C10orf67: variants seen among roughly 807,000 people sequenced by gnomAD.
The protein encoded by C10orf67 is uncharacterized protein C10orf67, mitochondrial.
A neutral mutation model predicts 35.6 loss-of-function variants in C10orf67; 60 were observed. The observed-to-expected ratio is 1.68, with a 90% confidence interval of 1.37 to 2.09. C10orf67 has a LOEUF of 2.09. Among genes scored for constraint, C10orf67 ranks in the 30% most tolerant of loss-of-function variants. C10orf67 has a pLI of 0.00. For missense variants in C10orf67, 474 were observed against 330.2 expected (o/e 1.44, Z -3.38); for synonymous variants, 167 against 115.8 (o/e 1.44, Z -2.84).
intron 13 of C10orf67, among the ~76,000 whole-genome samples, chr10:23,237,772 G>A (rs1842085886): frequency 6.6e-6 from 1 of 152,202 alleles, no homozygotes; most frequent in Admixed American, 6.5e-5. Context: ...CGCTTATTTG[G>A]TGTGGTGATG....
chr10:23,239,808 A>T lies in C10orf67; in HGVS notation c.1355T>A (p.Val452Asp). The change falls in exon 13 of 16, where the codon GTC becomes GAC. Residue 452 changes from valine (V) to aspartate (D), a missense_variant. Transcript: ENST00000636213. ...RFFILRNSFHVLKNEMFTRHT... is the reference protein window; with the variant it reads ...RFFILRNSFHDLKNEMFTRHT... ...CCTTGTAAACATCTCATTCTTAAGGACATGAAAGCTGAAATTTTAAAAATG... is the reference window on the plus strand; with the variant it reads ...CCTTGTAAACATCTCATTCTTAAGGTCATGAAAGCTGAAATTTTAAAAATG... 1.6e-6 allele frequency: 1 copy of T among 615,486 alleles called. No homozygotes were observed. Among genetic ancestry groups the T allele is most frequent in the Non-Finnish European group, 3.2e-6 (1 of 314,848 alleles). The allele number at this position is 615,486 out of a possible 1,614,324, so 38.1% of individuals were successfully genotyped here. A position where few individuals can be genotyped will look rare whatever the true frequency, so the allele number is the denominator to read the frequency against.
chr10:23,323,909 ATATATATATATATATATATAT>A (rs1845066281), intron 2 of C10orf67, among the ~76,000 whole-genome samples: 2 of 18,276 alleles, frequency 1.1e-4, no homozygotes, highest in Admixed American at 8.9e-4. Context: ...ATATATATAT[ATATATATATATATATATATAT>A]ATATATATAT....
chr10:23,324,720 A>G (rs1845113700), intron 2 of C10orf67, among the ~76,000 whole-genome samples: 2 of 152,148 alleles, frequency 1.3e-5, no homozygotes, highest in South Asian at 2.1e-4. Flanking sequence ...TTCTTTCTAG[A>G]GTCTGCTTTG....
intron 3 of C10orf67, among the ~76,000 whole-genome samples, chr10:23,321,373 T>G (rs1030695603): frequency 1.3e-5 from 2 of 152,142 alleles, no homozygotes; most frequent in African/African-American, 4.8e-5. Context: ...CTAAAAAAAA[T>G]TTGTTTTTTA....
chr10:23,320,601 C>G, intron 4 of C10orf67, 140 bp downstream of exon 4: 1 of 642,154 alleles, frequency 1.6e-6, no homozygotes, highest in Non-Finnish European at 2.7e-6. Flanking sequence ...CCTGATCCCT[C>G]TAAGGTGACC....
intron 4 of C10orf67, among the ~76,000 whole-genome samples, chr10:23,305,421 C>T (rs550401801): frequency 1.3e-5 from 2 of 152,186 alleles, no homozygotes; most frequent in African/African-American, 4.8e-5. Context: ...GTGGATCACT[C>T]GAGGCCAGGA....
In C10orf67 at chr10:23,287,063, T is replaced by C. The variant is rs138062619; in HGVS notation, c.909+2837A>G. Among the ~76,000 whole-genome samples the C allele has an allele frequency of 3.6e-4, 55 of 152,354 alleles. No individual in the cohort carries two copies. In the East Asian group the frequency reaches 5.0e-3, roughly 14 times the overall value. On this transcript the variant is annotated intron_variant, in intron 7 of 15. Transcript: ENST00000636213. ...TGGCCATATTGCCCAAAGTAATTTA[T>C]AGATTCAATGCTATTTCCATCAAAC...
chr10:23,204,018 C>T lies in C10orf67; in HGVS notation c.*155G>A, dbSNP rs1331381234. On this transcript the variant is annotated 3_prime_UTR_variant, in exon 16 of 16. Coordinates refer to ENST00000636213, the MANE Select transcript of C10orf67 (RefSeq NM_001371909.1). ...AGGCGCGCATTGAGGTCTATTCGAGCGCAGTGCTGGTTAATATACATAATC... is the reference window on the plus strand; with the variant it reads ...AGGCGCGCATTGAGGTCTATTCGAGTGCAGTGCTGGTTAATATACATAATC... The T allele has an allele frequency of 7.7e-6, 3 of 389,092 alleles. No individual in the cohort carries two copies. Among genetic ancestry groups the T allele is most frequent in the African/African-American group, 2.1e-5 (1 of 48,192 alleles). 24.1% of individuals were successfully genotyped at this position (389,092 alleles called of 1,614,324 possible).
At chr10:23,331,751 A>G (rs1328628198) in intron 2 of C10orf67, among the ~76,000 whole-genome samples, 1 of 151,920 alleles carries the variant, frequency 6.6e-6, no homozygotes, top group African/African-American at 2.4e-5. Context: ...AGGAAGGGAA[A>G]AAGTGAAGGG....
At position 23,331,142 on chromosome 10, in the gene C10orf67, C is replaced by G. The variant is rs891216111; in HGVS notation, c.327+1920G>C. Among the ~76,000 whole-genome samples the G allele has an allele frequency of 5.4e-5, 3 of 56,066 alleles. No homozygotes were observed. In the East Asian group the frequency reaches 9.8e-4, roughly 18 times the overall value. The allele number at this position is 56,066 out of a possible 152,430, so 36.8% of individuals were successfully genotyped here. ...GGACAGGAAGGGAGAGGAACCGAGA[C>G]GGGAACCAGGAAGGGAAGGGAAGGG... is the stretch of plus-strand genomic sequence containing the variant. On this transcript the variant is annotated intron_variant, in intron 2 of 15. Transcript: ENST00000636213.
chr10:23,226,271 C>T (rs1363342615), intron 13 of C10orf67, among the ~76,000 whole-genome samples: 1 of 152,156 alleles, frequency 6.6e-6, no homozygotes, highest in Non-Finnish European at 1.5e-5. Context: ...AACTAGAACT[C>T]AGGATTAAGA....
At chr10:23,251,685 A>G (rs915229690) in intron 10 of C10orf67, among the ~76,000 whole-genome samples, 1 of 152,206 alleles carries the variant, frequency 6.6e-6, no homozygotes, top group African/African-American at 2.4e-5. Flanking sequence ...GCCAGCATCA[A>G]TATAAACAAT....
At chr10:23,283,477 C>A (rs577386137) in intron 7 of C10orf67, among the ~76,000 whole-genome samples, 1 of 152,288 alleles carries the variant, frequency 6.6e-6, no homozygotes, top group South Asian at 2.1e-4. Context: ...TGGTTCCGGG[C>A]TTTCCTCCCT....
At chr10:23,291,479 C>T (rs914209559) in intron 5 of C10orf67, among the ~76,000 whole-genome samples, 200 bp from the exon 6 acceptor site, 5 of 152,218 alleles carry the variant, frequency 3.3e-5, no homozygotes, top group Admixed American at 3.3e-4. Flanking sequence ...AAGACCTCAA[C>T]ACATGGGGAC....
At chr10:23,293,257 G>A (rs992469016) in intron 5 of C10orf67, among the ~76,000 whole-genome samples, 4 of 152,164 alleles carry the variant, frequency 2.6e-5, no homozygotes, top group African/African-American at 9.7e-5. Flanking sequence ...CATTAAATAC[G>A]GGGGTTTGTC....
At chr10:23,299,367 A>G (rs1176879062) in intron 5 of C10orf67, among the ~76,000 whole-genome samples, 1 of 152,060 alleles carries the variant, frequency 6.6e-6, no homozygotes, top group African/African-American at 2.4e-5. Flanking sequence ...TTTAACTTGA[A>G]CAGGACAGGC....
chr10:23,231,494 C>T (rs146705508), intron 13 of C10orf67, among the ~76,000 whole-genome samples: 1 of 152,286 alleles, frequency 6.6e-6, no homozygotes, highest in African/African-American at 2.4e-5. Flanking sequence ...CCTCATGGGG[C>T]ATTATCCTGC....
intron 10 of C10orf67, among the ~76,000 whole-genome samples, chr10:23,255,428 T>C (rs555565069): frequency 1.1e-4 from 17 of 152,290 alleles, no homozygotes; most frequent in African/African-American, 4.1e-4. Context: ...TGTGAAGCCA[T>C]ACAGGATTTA....
intron 15 of C10orf67, among the ~76,000 whole-genome samples, chr10:23,210,228 T>C (rs1218005240): frequency 6.6e-6 from 1 of 151,784 alleles, no homozygotes; most frequent in Non-Finnish European, 1.5e-5. Context: ...CAGGTTCACA[T>C]CAAAAGGAAG....
Sources: gnomAD v4.1 joint callset for allele counts (sites outside exome capture counted in the v4.1 genomes callset) on GRCh38, gnomAD v4.1.1 for gene constraint, MANE v1.5 for transcripts, NCBI Gene and HGNC (gene_info 2026-07-23, HGNC 2026-07-21) for gene names.